The following SH3RF3 variants were observed in gnomAD, a reference collection of about 807,000 sequenced individuals.
SH3RF3 encodes the protein E3 ubiquitin-protein ligase SH3RF3.
Under a neutral mutation model 66.3 loss-of-function variants are expected in SH3RF3, and 29 were observed. That is an observed-to-expected ratio of 0.44 (90% CI 0.33 to 0.60). The LOEUF (loss-of-function observed/expected upper bound fraction) is 0.60. Ranked by LOEUF, SH3RF3 falls within the 20% of genes least tolerant of loss-of-function variation. The pLI, the probability that SH3RF3 is intolerant of heterozygous loss-of-function variation, is 0.04. For missense variants in SH3RF3, 1,194 were observed against 1,190.9 expected (o/e 1.00, Z -0.04); for synonymous variants, 583 against 532.0 (o/e 1.10, Z -1.32).
intron 1 of SH3RF3, among the ~76,000 whole-genome samples, chr2:109,329,764 A>C (rs1350619827): frequency 6.6e-6 from 1 of 152,244 alleles, no homozygotes; most frequent in East Asian, 1.9e-4. Context: ...GAGGCTGGAG[A>C]TGCCTTTTCT....
intron 3 of SH3RF3, among the ~76,000 whole-genome samples, chr2:109,380,132 A>T (rs1683480610): frequency 6.6e-6 from 1 of 152,232 alleles, no homozygotes; most frequent in Admixed American, 6.5e-5. Flanking sequence ...TGATCCACAC[A>T]TACATGGGTG....
At chr2:109,268,982 G>A (rs1680567168) in intron 1 of SH3RF3, among the ~76,000 whole-genome samples, 1 of 152,200 alleles carries the variant, frequency 6.6e-6, no homozygotes, top group African/African-American at 2.4e-5. Context: ...TGTCTGAGGA[G>A]GACCTTCTGA....
intron 3 of SH3RF3, among the ~76,000 whole-genome samples, chr2:109,379,342 A>C (rs910927000): frequency 3.3e-5 from 5 of 152,230 alleles, no homozygotes; most frequent in African/African-American, 1.2e-4. Context: ...GAACTGGAAA[A>C]CGCCTTTAAA....
chr2:109,148,151 A>G (rs1305134003), intron 1 of SH3RF3, among the ~76,000 whole-genome samples: 1 of 152,164 alleles, frequency 6.6e-6, no homozygotes, highest in Non-Finnish European at 1.5e-5. Context: ...TGCACCCAGT[A>G]TGCAGTGTGT....
chr2:109,427,602 A>G (rs757512914), intron 5 of SH3RF3, among the ~76,000 whole-genome samples: 11 of 152,188 alleles, frequency 7.2e-5, no homozygotes, highest in Non-Finnish European at 1.2e-4. Context: ...GTCCCTGCAC[A>G]CTAGCCCCAC....
At chr2:109,432,818 TC>T in intron 6 of SH3RF3, 147 bp downstream of exon 6, 1 of 1,131,556 alleles carries the variant, frequency 8.8e-7, no homozygotes, top group Non-Finnish European at 1.2e-6. Context: ...CCCACTGGCG[TC>T]CCCAGGCCCA....
chr2:109,267,020 C>T (rs903537799), intron 1 of SH3RF3, among the ~76,000 whole-genome samples: 2 of 152,088 alleles, frequency 1.3e-5, no homozygotes, highest in Admixed American at 6.5e-5. Context: ...AACAATAATA[C>T]CTGCAGACAG....
At chr2:109,323,748 CT>C (rs1682085651) in intron 1 of SH3RF3, among the ~76,000 whole-genome samples, 6 of 152,222 alleles carry the variant, frequency 3.9e-5, no homozygotes, top group Admixed American at 3.9e-4. Flanking sequence ...GAGGATGCTT[CT>C]CTAAGCTGTC....
chr2:109,501,644 C>T lies in SH3RF3; in HGVS notation c.2622C>T (p.Phe874=). The change falls in exon 10 of 10, where the codon TTC becomes TTT. Residue 874 remains phenylalanine, a synonymous_variant. Transcript: ENST00000309415. ...TLQRNGRTGL[F]PGSFVESF is the part of the protein sequence containing the mutation. The stretch of plus-strand genomic sequence containing the variant: ...AGCGGAACGGCCGCACAGGCCTCTT[C>T]CCGGGCAGCTTCGTCGAGAGCTTCT... The T allele has an allele frequency of 1.3e-6, 1 of 775,298 alleles. No homozygotes were observed. The highest frequency in any genetic ancestry group is 1.4e-5 in the South Asian group (1 of 73,254). 48.0% of individuals were successfully genotyped at this position (775,298 alleles called of 1,614,324 possible).
At chr2:109,368,923 A>G (rs1034897478) in intron 2 of SH3RF3, among the ~76,000 whole-genome samples, 9 of 149,440 alleles carry the variant, frequency 6.0e-5, no homozygotes, top group Non-Finnish European at 1.3e-4. Flanking sequence ...AGCTGGGCCA[A>G]TCATGCCTTG....
At chr2:109,303,224 G>A (rs528065799) in intron 1 of SH3RF3, among the ~76,000 whole-genome samples, 21 of 152,298 alleles carry the variant, frequency 1.4e-4, no homozygotes, top group Non-Finnish European at 2.9e-4. Flanking sequence ...CTTTGGGAGA[G>A]ATTCACTTGG....
intron 9 of SH3RF3, among the ~76,000 whole-genome samples, chr2:109,493,993 G>T (rs1483919991): frequency 1.3e-5 from 2 of 152,170 alleles, no homozygotes; most frequent in African/African-American, 4.8e-5. Context: ...CCTGCTGCCT[G>T]TGTTTTCCGG....
Position 109,432,681 on chromosome 2 carries a change from T to A in SH3RF3, c.1574+10T>A. The A allele has an allele frequency of 6.2e-7, 1 of 1,607,702 alleles. No individual in the cohort carries two copies. The highest frequency in any genetic ancestry group is 8.5e-7 in the Non-Finnish European group (1 of 1,176,924). On this transcript the variant is annotated intron_variant, in intron 6 of 9. Coordinates refer to ENST00000309415, the MANE Select transcript of SH3RF3 (RefSeq NM_001099289.3). ...TGACACCCGTTTCCAGGTGAGGGCA[T>A]GGTGGTGGCAGCCTGGGCAAGGAGA...
chr2:109,375,982 G>C (rs1386654879), intron 3 of SH3RF3, among the ~76,000 whole-genome samples: 1 of 152,238 alleles, frequency 6.6e-6, no homozygotes, highest in African/African-American at 2.4e-5. Context: ...CTGAGCCTCA[G>C]TTTCCCCCTT....
At chr2:109,473,573 T>G (rs62154204) in intron 8 of SH3RF3, among the ~76,000 whole-genome samples, 73,968 of 151,964 alleles carry the variant, frequency 0.49, 19,148 homozygotes, top group Non-Finnish European at 0.56. Flanking sequence ...TAACTGCTCA[T>G]CTGGGATTCA....
intron 1 of SH3RF3, among the ~76,000 whole-genome samples, chr2:109,318,267 A>G (rs899149376): frequency 5.3e-5 from 8 of 151,974 alleles, no homozygotes; most frequent in Admixed American, 1.3e-4. Flanking sequence ...GCAGCCCCAG[A>G]TGTTCGGGAG....
chr2:109,418,493 C>T (rs1246904677), intron 4 of SH3RF3, among the ~76,000 whole-genome samples: 2 of 152,134 alleles, frequency 1.3e-5, no homozygotes, highest in African/African-American at 2.4e-5. Context: ...TCCTCAGCAC[C>T]CCTCGGCTTG....
In SH3RF3 at chr2:109,236,795, A is replaced by G. The variant is rs147310479; in HGVS notation, c.573+106682A>G. On this transcript the variant is annotated intron_variant, in intron 1 of 9. Coordinates refer to ENST00000309415, the MANE Select transcript of SH3RF3 (RefSeq NM_001099289.3). Reference sequence around the variant, plus strand: ...TGAGGGGTGAGCCTTCTTAGCCAGGAAACAGCCTATACATTTAAGAGGACT... The same window carrying G: ...TGAGGGGTGAGCCTTCTTAGCCAGGGAACAGCCTATACATTTAAGAGGACT... Among the ~76,000 whole-genome samples, 405 of 152,308 alleles carry G rather than the reference A, an allele frequency of 2.7e-3. 2 individuals are homozygous for G. Among genetic ancestry groups the G allele is most frequent in the African/African-American group, 9.4e-3 (389 of 41,562 alleles).
chr2:109,197,734 G>T (rs562049953), intron 1 of SH3RF3, among the ~76,000 whole-genome samples: 1 of 152,358 alleles, frequency 6.6e-6, no homozygotes, highest in Non-Finnish European at 1.5e-5. Context: ...GAGTAGAAGG[G>T]TGGCCCTGGC....
Sources: gnomAD v4.1 joint callset for allele counts (sites outside exome capture counted in the v4.1 genomes callset) on GRCh38, gnomAD v4.1.1 for gene constraint, MANE v1.5 for transcripts, NCBI Gene and HGNC (gene_info 2026-07-23, HGNC 2026-07-21) for gene names.